Variants in MGAT4C observed in about 807,000 individuals in gnomAD.
The protein encoded by MGAT4C is MGAT4 family member C.
Under a neutral mutation model 40.1 loss-of-function variants are expected in MGAT4C, and 19 were observed. The ratio of observed to expected loss-of-function variants is 0.47; its 90% CI spans 0.33 to 0.70. The LOEUF is 0.70. Among genes scored for constraint, MGAT4C ranks in the 30% least tolerant of loss-of-function variants. The pLI, the probability that MGAT4C is intolerant of heterozygous loss-of-function variation, is 0.02. For synonymous variants in MGAT4C, 181 were observed against 187.1 expected (o/e 0.97, Z 0.27); for missense variants, 491 against 563.2 (o/e 0.87, Z 1.30).
intron 2 of MGAT4C, among the ~76,000 whole-genome samples, chr12:86,442,967 G>A (rs575674674): frequency 1.3e-5 from 2 of 152,092 alleles, no homozygotes; most frequent in Admixed American, 6.5e-5. Context: ...AGTTTTTAGC[G>A]ATAAGGTATT....
At chr12:86,719,811 ATTCT>A (rs1312956952) in intron 2 of MGAT4C, among the ~76,000 whole-genome samples, 1 of 152,200 alleles carries the variant, frequency 6.6e-6, no homozygotes, top group Non-Finnish European at 1.5e-5. Context: ...TTAATGTGCA[ATTCT>A]TTCTATTAGA....
At chr12:86,823,959 G>A (rs1282440955) in intron 1 of MGAT4C, among the ~76,000 whole-genome samples, 1 of 151,266 alleles carries the variant, frequency 6.6e-6, no homozygotes, top group Non-Finnish European at 1.5e-5. Flanking sequence ...TTGCAACCAC[G>A]GTTTGAACAT....
At chr12:86,238,314 C>T (rs1364955010) in intron 1 of MGAT4C, among the ~76,000 whole-genome samples, 1 of 151,940 alleles carries the variant, frequency 6.6e-6, no homozygotes, top group African/African-American at 2.4e-5. Context: ...AAATAATTTA[C>T]TTGTCTTGCA....
At chr12:86,470,537 G>A (rs1957744078) in intron 2 of MGAT4C, among the ~76,000 whole-genome samples, 1 of 152,104 alleles carries the variant, frequency 6.6e-6, no homozygotes, top group African/African-American at 2.4e-5. Context: ...AATCTCTAAT[G>A]TGTTCTTGCA....
intron 2 of MGAT4C, among the ~76,000 whole-genome samples, chr12:86,653,495 T>C (rs1015468883): frequency 1.3e-5 from 2 of 151,932 alleles, no homozygotes; most frequent in Non-Finnish European, 2.9e-5. Context: ...TTTATCCGAA[T>C]GCTCATACCT....
chr12:86,510,468 A>T (rs980170258), intron 2 of MGAT4C, among the ~76,000 whole-genome samples: 1 of 152,190 alleles, frequency 6.6e-6, no homozygotes, highest in Non-Finnish European at 1.5e-5. Flanking sequence ...TCATAATGAC[A>T]GGATCAAATT....
intron 1 of MGAT4C, among the ~76,000 whole-genome samples, chr12:86,829,436 T>C (rs545486984): frequency 6.6e-6 from 1 of 151,764 alleles, no homozygotes; most frequent in East Asian, 1.9e-4. Context: ...TGAGTAACTA[T>C]TTCAAGTAAA....
intron 2 of MGAT4C, among the ~76,000 whole-genome samples, chr12:86,706,265 T>G (rs1427572978): frequency 6.6e-6 from 1 of 152,176 alleles, no homozygotes; most frequent in Non-Finnish European, 1.5e-5. Context: ...AGACAGGGAA[T>G]TTGAGGGAGA....
intron 3 of MGAT4C, among the ~76,000 whole-genome samples, chr12:86,389,760 G>A (rs1037299267): frequency 2.0e-5 from 3 of 151,972 alleles, no homozygotes; most frequent in Non-Finnish European, 4.4e-5. Context: ...TAATGCTGAA[G>A]GTTCTTTTCC....
At chr12:86,144,915 T>C (rs186724904) in intron 1 of MGAT4C, among the ~76,000 whole-genome samples, 1 of 152,158 alleles carries the variant, frequency 6.6e-6, no homozygotes, top group Non-Finnish European at 1.5e-5. Context: ...ACATTTTCAA[T>C]GCATGCTCTT....
intron 1 of MGAT4C, among the ~76,000 whole-genome samples, chr12:86,798,778 G>T (rs572174475): frequency 3.3e-5 from 5 of 151,810 alleles, no homozygotes; most frequent in Admixed American, 6.6e-5. Flanking sequence ...CACTTCAATT[G>T]GTTGCCATGA....
At chr12:86,208,948 C>A (rs777516556) in intron 1 of MGAT4C, among the ~76,000 whole-genome samples, 6 of 152,090 alleles carry the variant, frequency 3.9e-5, no homozygotes, top group Non-Finnish European at 5.9e-5. Flanking sequence ...AACTTTATGT[C>A]TTAGTTTCAA....
intron 2 of MGAT4C, among the ~76,000 whole-genome samples, chr12:86,586,073 T>C (rs374338367): frequency 6.8e-6 from 1 of 147,152 alleles, no homozygotes; most frequent in East Asian, 2.1e-4. Context: ...TAGCATTAGG[T>C]ATATCTCCTA....
intron 2 of MGAT4C, among the ~76,000 whole-genome samples, chr12:86,029,982 C>A (rs1419890414): frequency 2.6e-5 from 4 of 151,566 alleles, no homozygotes; most frequent in African/African-American, 9.7e-5. Context: ...TAGGCAAATG[C>A]CTATTAAAAA....
chr12:86,216,793 A>G (rs1221237837), intron 1 of MGAT4C, among the ~76,000 whole-genome samples: 6 of 152,188 alleles, frequency 3.9e-5, no homozygotes, highest in African/African-American at 9.6e-5. Flanking sequence ...TAAATCTGGC[A>G]TATCTTCGAA....
chr12:86,779,569 T>C (rs1951802044), intron 1 of MGAT4C, among the ~76,000 whole-genome samples: 1 of 151,772 alleles, frequency 6.6e-6, no homozygotes, highest in Admixed American at 6.6e-5. Flanking sequence ...GACACTGCAC[T>C]ACAGCCTGGG....
At chr12:86,534,723 C>A (rs1959041431) in intron 2 of MGAT4C, among the ~76,000 whole-genome samples, 1 of 152,100 alleles carries the variant, frequency 6.6e-6, no homozygotes, top group Non-Finnish European at 1.5e-5. Context: ...GAGAATCAAT[C>A]TTACAAATTT....
chr12:86,252,359 T>A (rs927284062), intron 1 of MGAT4C, among the ~76,000 whole-genome samples: 2 of 152,090 alleles, frequency 1.3e-5, no homozygotes, highest in Non-Finnish European at 2.9e-5. Context: ...TGTGTTCAGT[T>A]AACTTTTGTT....
At chr12:86,454,512 T>C (rs981384408) in intron 2 of MGAT4C, among the ~76,000 whole-genome samples, 2 of 151,970 alleles carry the variant, frequency 1.3e-5, no homozygotes, top group Non-Finnish European at 2.9e-5. Flanking sequence ...CAAGCATGAG[T>C]CACTGTGGCT....
Sources: gnomAD v4.1 joint callset for allele counts (sites outside exome capture counted in the v4.1 genomes callset) on GRCh38, gnomAD v4.1.1 for gene constraint, MANE v1.5 for transcripts, NCBI Gene and HGNC (gene_info 2026-07-23, HGNC 2026-07-21) for gene names.